The following TRIOBP variants were observed in gnomAD, a reference collection of about 807,000 sequenced individuals.
TRIOBP encodes TRIO and F-actin binding protein, also known as TRIO and F-actin-binding protein.
Under a neutral mutation model 238.8 loss-of-function variants are expected in TRIOBP, and 169 were observed. The ratio of observed to expected loss-of-function variants is 0.71; its 90% CI spans 0.62 to 0.80. The LOEUF (loss-of-function observed/expected upper bound fraction) is 0.80, where lower values mean the gene tolerates loss of function less well. Ranked by LOEUF, TRIOBP falls within the 30% of genes least tolerant of loss-of-function variation. The pLI is 0.00. For missense variants in TRIOBP, 2,838 were observed against 3,122.6 expected, an observed-to-expected ratio of 0.91 and a Z score of 2.17; for synonymous variants, 1,150 against 1,274.4, an observed-to-expected ratio of 0.90 and a Z score of 2.08.
At chr22:37,744,890 G>C (rs1925139365) in intron 11 of TRIOBP, among the ~76,000 whole-genome samples, 1 of 151,782 alleles carries the variant, frequency 6.6e-6, no homozygotes, top group Non-Finnish European at 1.5e-5. Flanking sequence ...TTTTGAGAGG[G>C]AGTCTCGCTC....
chr22:37,762,435 C>T (rs952116231), intron 17 of TRIOBP, among the ~76,000 whole-genome samples: 1 of 152,172 alleles, frequency 6.6e-6, no homozygotes, highest in Non-Finnish European at 1.5e-5. Context: ...ACTACAATGA[C>T]GTTTAAAAGG....
In TRIOBP at chr22:37,725,969, A is replaced by G; in HGVS notation, c.3413A>G (p.Asp1138Gly). 2 of 1,597,518 alleles carry G rather than the reference A, an allele frequency of 1.3e-6. No homozygotes were observed. The highest frequency in any genetic ancestry group is 1.7e-6 in the Non-Finnish European group (2 of 1,175,646). ...CCAGAGCCTTCCCTCTTATTCCAGGACCTCCCCAGGGCCAGCACAGAGAGC... is the reference window on the plus strand; with the variant it reads ...CCAGAGCCTTCCCTCTTATTCCAGGGCCTCCCCAGGGCCAGCACAGAGAGC... ...QAPEPSLLFQ[D>G]LPRASTESLV... Residue 1138 changes from aspartate to glycine, a missense_variant, in exon 7 of 24, where the codon GAC (aspartate) becomes GGC (glycine). Asp to Gly is a moderately conservative substitution (Grantham distance 94, BLOSUM62 -1). Coordinates refer to ENST00000644935, the MANE Select transcript of TRIOBP (RefSeq NM_001039141.3).
chr22:37,706,637 A>G (rs1184212439), intron 3 of TRIOBP, among the ~76,000 whole-genome samples: 2 of 152,022 alleles, frequency 1.3e-5, no homozygotes, highest in Non-Finnish European at 2.9e-5. Context: ...CAAAACAAAA[A>G]ATGAACTGGG....
At chr22:37,755,010 C>T (rs1317896310) in intron 13 of TRIOBP, 26 bp downstream of exon 13, 3 of 1,612,492 alleles carry the variant, frequency 1.9e-6, no homozygotes, top group Non-Finnish European at 2.5e-6. Flanking sequence ...TACTGATGAA[C>T]CCCCGGAAGG....
chr22:37,743,784 G>A (rs1925054729), intron 11 of TRIOBP, among the ~76,000 whole-genome samples: 1 of 139,462 alleles, frequency 7.2e-6, no homozygotes, highest in South Asian at 2.3e-4. Context: ...AGGGGGAAGG[G>A]GAGAAAGAGA....
intron 9 of TRIOBP, among the ~76,000 whole-genome samples, chr22:37,737,093 A>G (rs1374144437): frequency 6.6e-6 from 1 of 152,176 alleles, no homozygotes; most frequent in East Asian, 1.9e-4. Context: ...CTGCCCTCAG[A>G]TTGCTGTCAG....
chr22:37,742,124 A>G (rs1345053502), intron 11 of TRIOBP, among the ~76,000 whole-genome samples: 1 of 151,418 alleles, frequency 6.6e-6, no homozygotes, highest in Non-Finnish European at 1.5e-5. Flanking sequence ...CACCCGGCTA[A>G]TTTTTTGTAT....
At chr22:37,771,106 A>G (rs1039249057) in intron 21 of TRIOBP, among the ~76,000 whole-genome samples, 3 of 152,188 alleles carry the variant, frequency 2.0e-5, no homozygotes, top group Admixed American at 6.5e-5. Flanking sequence ...AGCTACTATG[A>G]CTGTCCCCAT....
At chr22:37,721,965 A>G (rs1923852449) in intron 6 of TRIOBP, among the ~76,000 whole-genome samples, 1 of 152,168 alleles carries the variant, frequency 6.6e-6, no homozygotes, top group South Asian at 2.1e-4. Context: ...GAGGGTCACT[A>G]CTGAGGACAG....
At chr22:37,740,664 G>A (rs1042263628) in intron 10 of TRIOBP, among the ~76,000 whole-genome samples, 8 of 152,258 alleles carry the variant, frequency 5.3e-5, no homozygotes, top group African/African-American at 1.7e-4. Flanking sequence ...ACTTTAGGGT[G>A]ATGACGTGCA....
intron 7 of TRIOBP, among the ~76,000 whole-genome samples, chr22:37,730,562 C>T (rs368668956): frequency 2.0e-5 from 3 of 152,104 alleles, no homozygotes; most frequent in Admixed American, 6.6e-5. Context: ...CTTGCTTCAT[C>T]GAAGCTCCTA....
At chr22:37,732,946 G>A (rs950396705) in intron 7 of TRIOBP, among the ~76,000 whole-genome samples, 13 of 152,256 alleles carry the variant, frequency 8.5e-5, no homozygotes, top group Non-Finnish European at 1.5e-4. Flanking sequence ...TTGTCTGGGG[G>A]TGGCTCTTGG....
chr22:37,772,849 G>T, intron 23 of TRIOBP, 85 bp downstream of exon 23: 1 of 1,523,864 alleles, frequency 6.6e-7, no homozygotes, highest in Non-Finnish European at 8.9e-7. Flanking sequence ...CCCCAGCCAG[G>T]CCACTTCCTT....
chr22:37,758,195 C>A, intron 16 of TRIOBP, 57 bp downstream of exon 16: 1 of 1,596,296 alleles, frequency 6.3e-7, no homozygotes. Flanking sequence ...CCTCCAGTCC[C>A]TGCATTCATG....
At chr22:37,766,509 G>A (rs1173222265) in intron 18 of TRIOBP, among the ~76,000 whole-genome samples, 4 of 152,340 alleles carry the variant, frequency 2.6e-5, no homozygotes, top group South Asian at 2.1e-4. Context: ...TTGCAGCCGC[G>A]TGTGTTAGAG....
Position 37,762,120 on chromosome 22 carries a change from C to T in TRIOBP, c.6324+2856C>T, listed in dbSNP as rs1926276963. 2.0e-5 allele frequency among the ~76,000 whole-genome samples: 3 copies of T among 152,138 alleles called. No individual in the cohort carries two copies. The South Asian group carries it at 6.2e-4, about 32-fold the overall frequency. Reference sequence around the variant, plus strand: ...AGGTCTTTTACTGTCACCCAGGCTACAGTGCAGTGGCACAGAGGCTCACTG... The same window carrying T: ...AGGTCTTTTACTGTCACCCAGGCTATAGTGCAGTGGCACAGAGGCTCACTG... On this transcript the variant is annotated intron_variant, in intron 17 of 23. Coordinates refer to ENST00000644935, the MANE Select transcript of TRIOBP (RefSeq NM_001039141.3).
rs370423165 is a variant in TRIOBP at position 37,759,278 on chromosome 22, G to T, written c.6324+14G>T. 1.2e-4 allele frequency: 192 copies of T among 1,610,234 alleles called. No homozygotes were observed. Among genetic ancestry groups the T allele is most frequent in the Non-Finnish European group, 1.6e-4 (189 of 1,177,430 alleles). ...TACATCTCACAGGTAAGGCCGGGGGGCTGTTTTTCAGGGGGAGGGGGCAGA... is the reference window on the plus strand; with the variant it reads ...TACATCTCACAGGTAAGGCCGGGGGTCTGTTTTTCAGGGGGAGGGGGCAGA... On this transcript the variant is annotated intron_variant, in intron 17 of 23. Coordinates refer to ENST00000644935, the MANE Select transcript of TRIOBP (RefSeq NM_001039141.3).
chr22:37,709,311 C>T (rs573121101), intron 3 of TRIOBP, among the ~76,000 whole-genome samples: 2 of 152,358 alleles, frequency 1.3e-5, no homozygotes, highest in East Asian at 3.9e-4. Context: ...AGGCTCTTGC[C>T]CCTCCCGGCT....
rs377749969 is a variant in TRIOBP at position 37,726,330 on chromosome 22, C to T, written c.3774C>T (p.Pro1258=). The T allele has an allele frequency of 8.1e-5, 131 of 1,611,944 alleles. No individual in the cohort carries two copies. Among genetic ancestry groups the T allele is most frequent in the African/African-American group, 6.9e-4 (52 of 74,918 alleles). ...GGGGCTCCCGGGGCTCAGCGCCTCC[C>T]GGGGAGACCAGGCACAACTTGGAGC... is the stretch of plus-strand genomic sequence containing the variant. ...SSGGSRGSAP[P]GETRHNLERE... The change falls in exon 7 of 24, where the codon CCC becomes CCT. Residue 1258 remains proline, a synonymous_variant. Coordinates refer to ENST00000644935, the MANE Select transcript of TRIOBP (RefSeq NM_001039141.3).
Sources: gnomAD v4.1 joint callset for allele counts (sites outside exome capture counted in the v4.1 genomes callset) on GRCh38, gnomAD v4.1.1 for gene constraint, MANE v1.5 for transcripts, NCBI Gene and HGNC (gene_info 2026-07-23, HGNC 2026-07-21) for gene names.